Variants in OVGP1 observed in about 807,000 individuals in gnomAD.
OVGP1 encodes oviduct-specific glycoprotein.
OVGP1 carries 26 observed loss-of-function variants against 48.2 expected under a neutral mutation model. The observed-to-expected ratio is 0.54, with a 90% CI of 0.40 to 0.75. The LOEUF is 0.75. OVGP1 is among the 30% of genes least tolerant of loss of function. OVGP1 has a pLI of 0.00. For missense variants in OVGP1, 791 were observed against 820.6 expected (o/e 0.96, Z 0.44); for synonymous variants, 294 against 305.7 (o/e 0.96, Z 0.40).
chr1:111,415,015 G>T lies in OVGP1; in HGVS notation c.1486C>A (p.Pro496Thr), dbSNP rs1036114079. 3.1e-6 allele frequency: 5 copies of T among 1,611,984 alleles called. No individual in the cohort carries two copies. The highest frequency in any genetic ancestry group is 2.2e-5 in the East Asian group (1 of 44,832). ...GTGGTCACAGATTGATGACCCACAG[G>T]GGTCAGGGCCTTCTCTCCAGGGGTC... ...SMTPGEKALTPVGHQSVTTGQ... is the reference protein window; with the variant it reads ...SMTPGEKALTTVGHQSVTTGQ... Residue 496 changes from proline (P) to threonine (T), a missense_variant, in exon 11 of 11, where the codon CCT (proline) becomes ACT (threonine). Transcript: ENST00000369732.
intron 8 of OVGP1, among the ~76,000 whole-genome samples, chr1:111,420,367 C>T (rs1001132132): frequency 6.6e-6 from 1 of 152,212 alleles, no homozygotes; most frequent in African/African-American, 2.4e-5. Context: ...CTTCTTTGCC[C>T]TTCAAGAACA....
chr1:111,423,735 A>G (rs1411316981), intron 4 of OVGP1, 27 bp from the exon 5 acceptor site: 1 of 1,608,034 alleles, frequency 6.2e-7, no homozygotes, highest in African/African-American at 1.3e-5. Flanking sequence ...GGTAAGGCAA[A>G]GAACTCTATC....
Position 111,422,506 on chromosome 1 carries a change from T to C in OVGP1, c.608+421A>G, listed in dbSNP as rs577581066. ...ATGAAGAACTGCTCTGAATACTGGATGTGACTGGGCATTCCTGTTTTTGTT... is the reference window on the plus strand; with the variant it reads ...ATGAAGAACTGCTCTGAATACTGGACGTGACTGGGCATTCCTGTTTTTGTT... On this transcript the variant is annotated intron_variant, in intron 6 of 10. Transcript: ENST00000369732. Among the ~76,000 whole-genome samples, 3 of 152,368 alleles carry C rather than the reference T, an allele frequency of 2.0e-5. No individual in the cohort carries two copies. The South Asian group carries it at 6.2e-4, about 32-fold the overall frequency.
At position 111,425,417 on chromosome 1, in the gene OVGP1, G is replaced by A; in HGVS notation, c.283C>T (p.Leu95=). ...KERNRELKTL[L]SIGGWNFGTS... is the part of the protein sequence containing the mutation. ...CCAAAGTTCCACCCGCCGATGGACAGTAGTGTTTTCAGCTCTCTGTTCCTA... is the reference window on the plus strand; with the variant it reads ...CCAAAGTTCCACCCGCCGATGGACAATAGTGTTTTCAGCTCTCTGTTCCTA... The change falls in exon 4 of 11, where the codon CTG becomes TTG. Residue 95 remains leucine, a synonymous_variant. Transcript: ENST00000369732. 1 of 1,614,164 alleles carries A rather than the reference G, an allele frequency of 6.2e-7. No homozygotes were observed. The highest frequency in any genetic ancestry group is 8.5e-7 in the Non-Finnish European group (1 of 1,179,996).
chr1:111,418,114 C>T (rs1158760072), intron 9 of OVGP1, among the ~76,000 whole-genome samples: 1 of 152,192 alleles, frequency 6.6e-6, no homozygotes, highest in African/African-American at 2.4e-5. Flanking sequence ...CAACAATAAT[C>T]CCCAAGGTCT....
At chr1:111,427,326 T>C in intron 1 of OVGP1, 2 of 985,414 alleles carry the variant, frequency 2.0e-6, no homozygotes, top group African/African-American at 3.5e-5. Flanking sequence ...ATGCTCATGC[T>C]TTGCCCAGGG....
At chr1:111,421,804 G>A in intron 6 of OVGP1, 131 bp from the exon 7 acceptor site, 1 of 631,254 alleles carries the variant, frequency 1.6e-6, no homozygotes, top group Non-Finnish European at 2.8e-6. Context: ...TGCCTGTGGG[G>A]CCTGCCCAGG....
chr1:111,423,796 G>C, intron 4 of OVGP1, 88 bp from the exon 5 acceptor site: 1 of 1,316,546 alleles, frequency 7.6e-7, no homozygotes, highest in Non-Finnish European at 1.1e-6. Flanking sequence ...GTTCCCTGTG[G>C]TGGGCCTGGC....
chr1:111,421,255 A>G, intron 8 of OVGP1, 21 bp downstream of exon 8: 2 of 1,580,024 alleles, frequency 1.3e-6, no homozygotes, highest in Non-Finnish European at 1.7e-6. Flanking sequence ...ACTGCTAGAC[A>G]GAGACTGATA....
rs766418666 is a variant in OVGP1 at position 111,421,367 on chromosome 1, T to C, written c.812A>G (p.Lys271Arg). 1 of 1,614,102 alleles carries C rather than the reference T, an allele frequency of 6.2e-7. No individual in the cohort carries two copies. The highest frequency in any genetic ancestry group is 1.3e-5 in the African/African-American group (1 of 75,024). ...GGCCTGCAACCCATTCTTAGAGGCT[T>C]TGAGGAGGCGAAAGGTACGTCCATA... ...PTYGRTFRLL[K>R]ASKNGLQARA... The change falls in exon 8 of 11, where the codon AAA (lysine) becomes AGA (arginine). Residue 271 changes from lysine to arginine, a missense_variant. By Grantham distance (26) the Lys-to-Arg change is conservative. Coordinates refer to ENST00000369732, the MANE Select transcript of OVGP1 (RefSeq NM_002557.4).
Position 111,423,026 on chromosome 1 carries a change from T to A in OVGP1, c.509A>T (p.Glu170Val), listed in dbSNP as rs1473889073. Residue 170 changes from glutamate (E) to valine (V), a missense_variant, in exon 6 of 11, where the codon GAG becomes GTG. Glu to Val is a moderately radical substitution (Grantham distance 121, BLOSUM62 -2). Coordinates refer to ENST00000369732, the MANE Select transcript of OVGP1 (RefSeq NM_002557.4). ...CCTCGGGCGCATGGTGAGCAGTGCC[T>A]CCTTCCGGAAGGCAAACAGGAGCTC... ...IEELLFAFRK[E>V]ALLTMRPRLL... is the part of the protein sequence containing the mutation. 1 of 1,614,038 alleles carries A rather than the reference T, an allele frequency of 6.2e-7. No homozygotes were observed. The highest frequency in any genetic ancestry group is 2.2e-5 in the East Asian group (1 of 44,880).
chr1:111,414,722 T>G lies in OVGP1; in HGVS notation c.1779A>C (p.Arg593Ser). ...CCACCTCAGAAGTCAAATTCTCCCC[T>G]CTTAAAGGCATAGTCTGCCCTTCAG... ...VTPEGQTMPL[R>S]GENLTSEVGT... The change falls in exon 11 of 11, where the codon AGA becomes AGC. Residue 593 changes from arginine to serine, a missense_variant. Arg to Ser is a moderately radical substitution (Grantham distance 110). Transcript: ENST00000369732. The G allele has an allele frequency of 6.2e-7, 1 of 1,613,734 alleles. No homozygotes were observed. Among genetic ancestry groups the G allele is most frequent in the Non-Finnish European group, 8.5e-7 (1 of 1,179,682 alleles).
chr1:111,427,102 C>A lies in OVGP1; in HGVS notation c.26-11G>T, dbSNP rs1652418860. ...GCACAAGAACCAGCCCTGTGAGAAA[C>A]AAAGGAAGGAGTCACACAGAGATTC... On this transcript the variant is annotated splice_polypyrimidine_tract_variant and intron_variant, in intron 1 of 10. Transcript: ENST00000369732. 1 of 1,613,928 alleles carries A rather than the reference C, an allele frequency of 6.2e-7. No homozygotes were observed. The highest frequency in any genetic ancestry group is 1.7e-5 in the Admixed American group (1 of 59,992).
chr1:111,421,775 A>C, intron 6 of OVGP1, 102 bp from the exon 7 acceptor site: 1 of 734,250 alleles, frequency 1.4e-6, no homozygotes, highest in Admixed American at 2.2e-5. Flanking sequence ...ATTGGTCACC[A>C]GAGCTTCCCT....
In OVGP1 at chr1:111,423,493, T is replaced by C. The variant is rs191455588; in HGVS notation, c.483+50A>G. ...TCTTCTCCTGCCATAAGCCTAGATA[T>C]ATAAAAGTAGAATCATTTCTGGATT... On this transcript the variant is annotated intron_variant, in intron 5 of 10. Coordinates refer to ENST00000369732, the MANE Select transcript of OVGP1 (RefSeq NM_002557.4). 9 of 1,588,584 alleles carry C rather than the reference T, an allele frequency of 5.7e-6. No homozygotes were observed. The Admixed American group carries it at 1.2e-4, about 21-fold the overall frequency.
chr1:111,414,408 C>A lies in OVGP1; in HGVS notation c.*56G>T. Reference sequence around the variant, plus strand: ...TGCCCCGGGATGAGAAGGCTTCCAACATGTCACTTAGAAGAAAAGACAAGG... The same window carrying A: ...TGCCCCGGGATGAGAAGGCTTCCAAAATGTCACTTAGAAGAAAAGACAAGG... On this transcript the variant is annotated 3_prime_UTR_variant, in exon 11 of 11. Coordinates refer to ENST00000369732, the MANE Select transcript of OVGP1 (RefSeq NM_002557.4). 2 of 1,487,446 alleles carry A rather than the reference C, an allele frequency of 1.3e-6. No individual in the cohort carries two copies. Among genetic ancestry groups the A allele is most frequent in the Non-Finnish European group, 1.8e-6 (2 of 1,102,060 alleles). 92.1% of individuals were successfully genotyped at this position (1,487,446 alleles called of 1,614,324 possible).
At position 111,422,910 on chromosome 1, in the gene OVGP1, A is replaced by G; in HGVS notation, c.608+17T>C. ...TTCCCACCAATGTCCTGCCCCACCA[A>G]AGCAATATCCACTCACCTTCCTAGA... On this transcript the variant is annotated intron_variant, in intron 6 of 10. Transcript: ENST00000369732. The G allele has an allele frequency of 6.2e-7, 1 of 1,613,752 alleles. No individual in the cohort carries two copies.
Position 111,415,320 on chromosome 1 carries a change from T to C in OVGP1, c.1181A>G (p.Gln394Arg). The C allele has an allele frequency of 1.2e-6, 2 of 1,611,444 alleles. No homozygotes were observed. The highest frequency in any genetic ancestry group is 1.7e-6 in the Non-Finnish European group (2 of 1,178,078). ...RAEFSSTSLP[Q>R]FWLSSAVNSS... ...ATTCACAGCAGATGACAGCCAAAATTGTGGTAAAGAAGTTGAACTGAACTC... is the reference window on the plus strand; with the variant it reads ...ATTCACAGCAGATGACAGCCAAAATCGTGGTAAAGAAGTTGAACTGAACTC... The change falls in exon 11 of 11, where the codon CAA (glutamine) becomes CGA (arginine). Residue 394 changes from glutamine to arginine, a missense_variant. Transcript: ENST00000369732.
chr1:111,426,077 C>T (rs886533286), intron 3 of OVGP1, among the ~76,000 whole-genome samples: 3 of 152,112 alleles, frequency 2.0e-5, no homozygotes, highest in South Asian at 2.1e-4. Flanking sequence ...CGGTAACAAA[C>T]GGTAATAAAA....
Sources: allele counts gnomAD v4.1 joint callset (sites outside exome capture counted in the v4.1 genomes callset), GRCh38; gene constraint gnomAD v4.1.1; transcripts MANE v1.5; gene names NCBI Gene and HGNC (gene_info 2026-07-23, HGNC 2026-07-21).